The following RBFOX1 variants were observed in gnomAD, a reference collection of about 807,000 sequenced individuals.
RBFOX1 encodes RNA binding fox-1 homolog 1, also known as RNA binding protein fox-1 homolog 1.
A neutral mutation model predicts 57.7 loss-of-function variants in RBFOX1; 8 were observed. The observed-to-expected ratio is 0.14, with a 90% confidence interval of 0.08 to 0.25. The LOEUF is 0.25. Ranked by LOEUF, RBFOX1 falls within the 10% of genes least tolerant of loss-of-function variation. The pLI is 1.00. For missense variants in RBFOX1, 611 were observed against 548.5 expected (o/e 1.11, Z -1.14); for synonymous variants, 326 against 222.4 (o/e 1.47, Z -4.15).
intron 1 of RBFOX1, among the ~76,000 whole-genome samples, chr16:5,316,030 C>A (rs979788746): frequency 4.6e-5 from 7 of 152,184 alleles, no homozygotes; most frequent in Admixed American, 4.6e-4. Context: ...CCTCCCCCGC[C>A]CTACTCCTCT....
At chr16:6,869,714 T>G (rs1014112415) in intron 3 of RBFOX1, among the ~76,000 whole-genome samples, 5 of 152,178 alleles carry the variant, frequency 3.3e-5, no homozygotes, top group Non-Finnish European at 4.4e-5. Flanking sequence ...GGCAAAGCCA[T>G]GTGACTCTAG....
chr16:5,490,356 G>A (rs941362284), intron 2 of RBFOX1, among the ~76,000 whole-genome samples: 1 of 152,192 alleles, frequency 6.6e-6, no homozygotes, highest in Admixed American at 6.5e-5. Context: ...ACAGGAAATG[G>A]AGATTAGGAG....
At chr16:7,615,455 G>A (rs763677915) in intron 10 of RBFOX1, among the ~76,000 whole-genome samples, 14 of 152,184 alleles carry the variant, frequency 9.2e-5, no homozygotes, top group Non-Finnish European at 1.9e-4. Context: ...GTTTTCAGGA[G>A]AAGTATTGTT....
intron 3 of RBFOX1, among the ~76,000 whole-genome samples, chr16:6,790,169 CTATTAT>C (rs71145294): frequency 2.4e-4 from 34 of 141,536 alleles, no homozygotes; most frequent in East Asian, 8.3e-4. Context: ...TTATTTTATT[CTATTAT>C]TATTATTATT....
chr16:6,797,848 T>G (rs1211339362), intron 3 of RBFOX1, among the ~76,000 whole-genome samples: 2 of 152,146 alleles, frequency 1.3e-5, no homozygotes, highest in African/African-American at 2.4e-5. Flanking sequence ...ACCACTCGAC[T>G]TGAGTTGCTA....
At chr16:6,667,347 G>A (rs1215915342) in intron 3 of RBFOX1, among the ~76,000 whole-genome samples, 3 of 152,076 alleles carry the variant, frequency 2.0e-5, no homozygotes, top group Admixed American at 2.0e-4. Flanking sequence ...CTGGCTTTGG[G>A]AAGCTCATCT....
intron 10 of RBFOX1, among the ~76,000 whole-genome samples, chr16:7,617,021 T>C (rs1256643024): frequency 6.6e-6 from 1 of 150,812 alleles, no homozygotes; most frequent in Non-Finnish European, 1.5e-5. Flanking sequence ...TTGCAATTTA[T>C]AGTGACATCT....
intron 1 of RBFOX1, among the ~76,000 whole-genome samples, chr16:5,454,910 CTTTCCTTTGTTTCTTT>C (rs2068559038): frequency 9.4e-5 from 6 of 63,526 alleles, no homozygotes; most frequent in African/African-American, 3.3e-4. Context: ...TTCTTTCTTT[CTTTCCTTTGTTTCTTT>C]CTTCCTTCCT....
intron 3 of RBFOX1, among the ~76,000 whole-genome samples, chr16:6,870,738 A>G (rs1266170821): frequency 6.6e-6 from 1 of 152,132 alleles, no homozygotes; most frequent in Non-Finnish European, 1.5e-5. Context: ...TCACCACCAA[A>G]ACTCCTCCCC....
chr16:7,701,222 T>G (rs2215279), intron 14 of RBFOX1, among the ~76,000 whole-genome samples: 145,399 of 152,242 alleles, frequency 0.96, 69,809 homozygotes, highest in East Asian at 1. Flanking sequence ...ACTTCTAGTT[T>G]TATCATTTTT....
chr16:6,884,326 G>T (rs886592198), intron 3 of RBFOX1, among the ~76,000 whole-genome samples: 1 of 152,154 alleles, frequency 6.6e-6, no homozygotes, highest in Non-Finnish European at 1.5e-5. Flanking sequence ...CTTAACCAGG[G>T]CTGGGGACCT....
chr16:7,148,517 C>T (rs1006576606), intron 4 of RBFOX1, among the ~76,000 whole-genome samples: 1 of 152,226 alleles, frequency 6.6e-6, no homozygotes, highest in Non-Finnish European at 1.5e-5. Flanking sequence ...ATACATTTAA[C>T]ATATTAAGGC....
At chr16:6,384,861 A>G (rs1596409977) in intron 2 of RBFOX1, among the ~76,000 whole-genome samples, 3 of 152,094 alleles carry the variant, frequency 2.0e-5, no homozygotes. Context: ...TTTCTTTTCT[A>G]ACTAACGTGT....
intron 2 of RBFOX1, among the ~76,000 whole-genome samples, chr16:5,509,890 G>T (rs2043520545): frequency 6.6e-6 from 1 of 152,212 alleles, no homozygotes; most frequent in South Asian, 2.1e-4. Context: ...GCGCAGACGA[G>T]TGGAGGATCC....
At chr16:5,517,354 C>G (rs955331666) in intron 2 of RBFOX1, among the ~76,000 whole-genome samples, 1 of 152,236 alleles carries the variant, frequency 6.6e-6, no homozygotes, top group East Asian at 1.9e-4. Flanking sequence ...TGTCTTCTCA[C>G]TATAGGCTTT....
chr16:7,215,323 T>C (rs2152811443), intron 4 of RBFOX1, among the ~76,000 whole-genome samples: 1 of 152,328 alleles, frequency 6.6e-6, no homozygotes, highest in East Asian at 1.9e-4. Context: ...ACTGGGTATA[T>C]ACTCAAAGTA....
At chr16:7,270,190 G>A (rs1214383886) in intron 4 of RBFOX1, among the ~76,000 whole-genome samples, 1 of 152,208 alleles carries the variant, frequency 6.6e-6, no homozygotes, top group East Asian at 1.9e-4. Flanking sequence ...CCAGGGCTCT[G>A]TTCCGCCCCC....
intron 3 of RBFOX1, among the ~76,000 whole-genome samples, chr16:5,661,940 C>T (rs1394383728): frequency 6.6e-6 from 1 of 152,088 alleles, no homozygotes; most frequent in East Asian, 1.9e-4. Flanking sequence ...CACGTGCCAC[C>T]AAGCACAGCT....
chr16:7,583,147 T>A (rs1037671891), intron 6 of RBFOX1, among the ~76,000 whole-genome samples: 1 of 82,174 alleles, frequency 1.2e-5, no homozygotes. Context: ...TTCTAGCTCA[T>A]CTTTTTTTTT....
Sources: gnomAD v4.1 joint callset for allele counts (sites outside exome capture counted in the v4.1 genomes callset) on GRCh38, gnomAD v4.1.1 for gene constraint, MANE v1.5 for transcripts, NCBI Gene and HGNC (gene_info 2026-07-23, HGNC 2026-07-21) for gene names.